VIT: variants seen among roughly 807,000 people sequenced by gnomAD.
VIT encodes vitrin.
In VIT, 99 loss-of-function variants were observed where a neutral mutation model predicts 78.0. That is an observed-to-expected ratio of 1.27 (90% confidence interval 1.08 to 1.50). The LOEUF (loss-of-function observed/expected upper bound fraction) is 1.50, where lower values mean the gene tolerates loss of function less well. VIT is among the 40% of genes most tolerant of loss of function. VIT has a pLI of 0.00. For missense variants in VIT, 1,126 were observed against 875.3 expected, an observed-to-expected ratio of 1.29 and a Z score of -3.61; for synonymous variants, 374 against 334.3, an observed-to-expected ratio of 1.12 and a Z score of -1.29.
intron 4 of VIT, among the ~76,000 whole-genome samples, chr2:36,749,684 T>C (rs1668341610): frequency 6.6e-6 from 1 of 152,226 alleles, no homozygotes; most frequent in African/African-American, 2.4e-5. Flanking sequence ...GCAGCACCTG[T>C]ACTCCTAACT....
At chr2:36,715,710 T>C (rs1382015832) in intron 1 of VIT, among the ~76,000 whole-genome samples, 1 of 152,192 alleles carries the variant, frequency 6.6e-6, no homozygotes, top group Non-Finnish European at 1.5e-5. Context: ...ATCAGAATTT[T>C]TTTAAACTCC....
At chr2:36,785,563 C>T (rs1239245090) in intron 11 of VIT, among the ~76,000 whole-genome samples, 2 of 152,192 alleles carry the variant, frequency 1.3e-5, no homozygotes, top group African/African-American at 4.8e-5. Flanking sequence ...ATCTCAAGAT[C>T]ATGCTTGGGT....
intron 1 of VIT, among the ~76,000 whole-genome samples, chr2:36,700,792 G>A (rs1043398732): frequency 2.0e-5 from 3 of 151,978 alleles, no homozygotes; most frequent in African/African-American, 7.3e-5. Context: ...CTATTCTTAT[G>A]TGCCACCCAC....
intron 9 of VIT, among the ~76,000 whole-genome samples, chr2:36,775,901 A>G (rs546475180): frequency 9.2e-5 from 14 of 152,330 alleles, no homozygotes; most frequent in Non-Finnish European, 1.8e-4. Flanking sequence ...AAAGGCAGGT[A>G]AGAACATTTG....
intron 1 of VIT, among the ~76,000 whole-genome samples, chr2:36,711,012 C>T (rs921721038): frequency 6.6e-6 from 1 of 152,194 alleles, no homozygotes; most frequent in Non-Finnish European, 1.5e-5. Context: ...AGTAGTTGTA[C>T]CATTTTACCT....
Position 36,743,100 on chromosome 2 carries a change from C to A in VIT, c.119C>A (p.Thr40Asn), listed in dbSNP as rs369770985. The A allele has an allele frequency of 1.5e-4, 238 of 1,613,870 alleles. No homozygotes were observed. The highest frequency in any genetic ancestry group is 1.9e-4 in the Non-Finnish European group (221 of 1,179,906). Reference protein sequence around the residue: ...TAKKIKRPKFTVPQINCDVKA... With the variant: ...TAKKIKRPKFNVPQINCDVKA... ...TTTTGACCTCATTTTGTATTCCCAGCTGTGCCTCAGATCAACTGCGATGTC... is the reference window on the plus strand; with the variant it reads ...TTTTGACCTCATTTTGTATTCCCAGATGTGCCTCAGATCAACTGCGATGTC... Residue 40 changes from threonine to asparagine, a missense_variant and splice_region_variant, in exon 4 of 16, where the codon ACT (threonine) becomes AAT (asparagine). Transcript: ENST00000379242.
intron 9 of VIT, among the ~76,000 whole-genome samples, chr2:36,781,050 A>T (rs984709163): frequency 6.6e-6 from 1 of 151,988 alleles, no homozygotes; most frequent in Non-Finnish European, 1.5e-5. Context: ...AGGCCATTAA[A>T]CATCTTACTG....
At chr2:36,759,326 T>C (rs1391865286) in intron 6 of VIT, 2 of 1,432,836 alleles carry the variant, frequency 1.4e-6, no homozygotes, top group Non-Finnish European at 1.8e-6. Context: ...TTTTAATGTA[T>C]TGTTGCTTTA....
At chr2:36,744,924 T>C (rs1668047228) in intron 4 of VIT, among the ~76,000 whole-genome samples, 1 of 152,222 alleles carries the variant, frequency 6.6e-6, no homozygotes, top group African/African-American at 2.4e-5. Context: ...TCCTAGGTTT[T>C]CTTCTAGGAT....
intron 14 of VIT, among the ~76,000 whole-genome samples, chr2:36,807,080 G>T (rs2148677998): frequency 6.6e-6 from 1 of 152,204 alleles, no homozygotes; most frequent in Admixed American, 6.5e-5. Context: ...CCACATCACA[G>T]ATCTCTCTCC....
intron 2 of VIT, among the ~76,000 whole-genome samples, chr2:36,722,009 C>G (rs67425119): frequency 0.1 from 15,390 of 152,252 alleles, 807 homozygotes; most frequent in Middle Eastern, 0.18. Context: ...CATAGGCACT[C>G]AATAAATATT....
At chr2:36,703,908 GGTTTTTTTTTGTTTGTTTTTT>G (rs1665230709) in intron 1 of VIT, among the ~76,000 whole-genome samples, 1 of 43,348 alleles carries the variant, frequency 2.3e-5, no homozygotes, top group Non-Finnish European at 6.6e-5. Flanking sequence ...GTTTGTTTGG[GGTTTTTTTTTGTTTGTTTTTT>G]GTTTTTGTTT....
intron 3 of VIT, among the ~76,000 whole-genome samples, chr2:36,737,230 G>A (rs773743386): frequency 6.6e-6 from 1 of 152,162 alleles, no homozygotes; most frequent in Non-Finnish European, 1.5e-5. Context: ...ACATACCATG[G>A]AAAACAAGTG....
chr2:36,807,042 G>A (rs908499921), intron 14 of VIT, among the ~76,000 whole-genome samples: 1 of 152,148 alleles, frequency 6.6e-6, no homozygotes, highest in East Asian at 1.9e-4. Flanking sequence ...CCAGAGGGCA[G>A]TGTCACCCCA....
Position 36,808,560 on chromosome 2 carries a change from T to C in VIT, c.1478T>C (p.Val493Ala), listed in dbSNP as rs1423956924. The C allele has an allele frequency of 6.2e-7, 1 of 1,613,980 alleles. No individual in the cohort carries two copies. Among genetic ancestry groups the C allele is most frequent in the South Asian group, 1.1e-5 (1 of 91,078 alleles). Residue 493 changes from valine to alanine, a missense_variant, in exon 15 of 16, where the codon GTC (valine) becomes GCC (alanine). Val to Ala is a moderately conservative substitution (Grantham distance 64). Coordinates refer to ENST00000379242, the MANE Select transcript of VIT (RefSeq NM_053276.4). The part of the protein sequence containing the change: ...HKTLQPLVKR[V>A]CDTDRLACSK... The stretch of plus-strand genomic sequence containing the variant: ...ACCCTGCAGCCTCTGGTGAAGCGGG[T>C]CTGCGACACTGACCGCCTGGCCTGC...
intron 11 of VIT, among the ~76,000 whole-genome samples, chr2:36,784,614 G>A (rs1012318612): frequency 2.0e-5 from 3 of 152,170 alleles, no homozygotes; most frequent in African/African-American, 7.2e-5. Flanking sequence ...ACAACACAAA[G>A]CATTAGTCTA....
chr2:36,733,857 C>T (rs1288246842), intron 3 of VIT, among the ~76,000 whole-genome samples: 1 of 152,134 alleles, frequency 6.6e-6, no homozygotes, highest in Non-Finnish European at 1.5e-5. Context: ...GCTCTCTCCT[C>T]TTCACTAAAT....
chr2:36,758,791 A>G (rs2148560790), intron 5 of VIT, among the ~76,000 whole-genome samples, 178 bp from the exon 6 acceptor site: 1 of 152,358 alleles, frequency 6.6e-6, no homozygotes, highest in Admixed American at 6.5e-5. Context: ...CACAAGCTAT[A>G]CAGGAAAACA....
chr2:36,764,875 A>G lies in VIT; in HGVS notation c.488-2219A>G, dbSNP rs550635745. 9.9e-5 allele frequency among the ~76,000 whole-genome samples: 15 copies of G among 152,104 alleles called. No individual in the cohort carries two copies. In the South Asian group the frequency reaches 3.1e-3, roughly 32 times the overall value. On this transcript the variant is annotated intron_variant, in intron 6 of 15. Transcript: ENST00000379242. ...GCACTATTTTCCTGGATGTTATACAATGTCAAAGGGGAAGGTGGATGGTTC... is the reference window on the plus strand; with the variant it reads ...GCACTATTTTCCTGGATGTTATACAGTGTCAAAGGGGAAGGTGGATGGTTC...
Sources: allele counts gnomAD v4.1 joint callset (sites outside exome capture counted in the v4.1 genomes callset), GRCh38; gene constraint gnomAD v4.1.1; transcripts MANE v1.5; gene names NCBI Gene and HGNC (gene_info 2026-07-23, HGNC 2026-07-21).